MGST1: variants seen among roughly 807,000 people sequenced by gnomAD.
The protein encoded by MGST1 is glutathione S-transferase 12.
MGST1 carries 5 observed loss-of-function variants against 8.9 expected under a neutral mutation model. That is an observed-to-expected ratio of 0.56 (90% CI 0.29 to 1.19). MGST1 has a LOEUF of 1.19. MGST1 is among the 50% of genes most tolerant of loss of function. The pLI is 0.08. For missense variants in MGST1, 182 were observed against 187.4 expected (o/e 0.97, Z 0.17); for synonymous variants, 54 against 67.8 (o/e 0.80, Z 1.00).
At chr12:16,381,207 G>A (rs199596105), downstream of MGST1, among the ~76,000 whole-genome samples, 22 of 152,190 alleles carry the variant, frequency 1.4e-4, no homozygotes, top group East Asian at 3.9e-4. Flanking sequence ...TATTTTGCTC[G>A]TTAGTTGATG....
At chr12:16,446,108 C>T (rs1941077657) in intron 4 of MGST1, among the ~76,000 whole-genome samples, 1 of 152,012 alleles carries the variant, frequency 6.6e-6, no homozygotes, top group South Asian at 2.1e-4. Context: ...GCACCGTTTG[C>T]TTTATACTCC....
At chr12:16,490,694 T>C (rs1316347032) in intron 4 of MGST1, among the ~76,000 whole-genome samples, 3 of 152,134 alleles carry the variant, frequency 2.0e-5, no homozygotes, top group African/African-American at 7.2e-5. Flanking sequence ...CTATCTTCCA[T>C]ATAAAGAAAG....
In MGST1 at chr12:16,560,413, C is replaced by G; in HGVS notation, n.483-29115C>G. On this transcript the variant is annotated intron_variant and non_coding_transcript_variant, in intron 4 of 4. Coordinates refer to the MGST1 transcript ENST00000538857. The surrounding 1 kb of genome is among the most constrained non-coding windows in gnomAD (Gnocchi z 5.0). ...AGAGACCAAAAAGAGACCTGCTTAC[C>G]TCTGATTACAAAGCTGACATGCAAA... 6.2e-7 allele frequency: 1 copy of G among 1,612,948 alleles called. No homozygotes were observed. The highest frequency in any genetic ancestry group is 8.5e-7 in the Non-Finnish European group (1 of 1,179,440).
intron 1 of MGST1, chr12:16,399,908 C>T (rs929694858): frequency 1.6e-6 from 2 of 1,271,604 alleles, no homozygotes; most frequent in Non-Finnish European, 2.3e-6. Context: ...TAAATCAGCT[C>T]TACTTCATCC....
chr12:16,397,812 G>C (rs1940619080), intron 1 of MGST1, among the ~76,000 whole-genome samples: 2 of 146,408 alleles, frequency 1.4e-5, no homozygotes, highest in African/African-American at 5.0e-5. Flanking sequence ...ATATATTTAA[G>C]TGTCAAGTAA....
intron 4 of MGST1, among the ~76,000 whole-genome samples, chr12:16,580,396 C>A (rs1229240106): frequency 2.0e-5 from 3 of 152,258 alleles, no homozygotes; most frequent in East Asian, 1.9e-4. Flanking sequence ...TTTAGAGGAC[C>A]ACTTCTATGG....
chr12:16,585,144 G>A lies in MGST1; in HGVS notation n.483-4384G>A, dbSNP rs564528955. ...GTCATGGCTTCCCCCTTTGGGTGGC[G>A]CATGCAAGCCCCAGTTCACAACGTT... is the stretch of plus-strand genomic sequence containing the variant. On this transcript the variant is annotated intron_variant and non_coding_transcript_variant, in intron 4 of 4. Coordinates refer to the MGST1 transcript ENST00000538857. The surrounding 1 kb of genome is among the most constrained non-coding windows in gnomAD (Gnocchi z 4.7). 9.9e-5 allele frequency among the ~76,000 whole-genome samples: 15 copies of A among 152,246 alleles called. No homozygotes were observed. Among genetic ancestry groups the A allele is most frequent in the South Asian group, 2.1e-4 (1 of 4,828 alleles).
intron 4 of MGST1, among the ~76,000 whole-genome samples, chr12:16,472,442 T>TC (rs1284605401): frequency 3.9e-5 from 6 of 151,962 alleles, no homozygotes; most frequent in African/African-American, 1.2e-4. Context: ...TGTTTTTTTT[T>TC]TTTTTTTTAA....
At chr12:16,444,183 G>T (rs11056943) in intron 4 of MGST1, among the ~76,000 whole-genome samples, 20,455 of 128,536 alleles carry the variant, frequency 0.16, 1,923 homozygotes, top group East Asian at 0.46. Flanking sequence ...GGCTGATTTG[G>T]TTTTTTTTTT....
chr12:16,363,877 A>G lies in MGST1; in HGVS notation c.304A>G (p.Thr102Ala), dbSNP rs756807847. The change falls in exon 4 of 4, where the codon ACA (threonine) becomes GCA (alanine). Residue 102 changes from threonine to alanine, a missense_variant. Physicochemically the swap from Thr to Ala is moderately conservative, Grantham distance 58. Coordinates refer to ENST00000396210, the MANE Select transcript of MGST1 (RefSeq NM_020300.5). This position sits in a 1 kb window ranked among gnomAD's most constrained non-coding sequence, Gnocchi z 4.6. The part of the protein sequence containing the change: ...LYSLSGPDPS[T>A]AILHFRLFVG... ...TTCCTTGAGTGGTCCCGACCCCTCT[A>G]CAGCCATCCTGCACTTCAGACTATT... The G allele has an allele frequency of 1.9e-6, 3 of 1,613,964 alleles. No individual in the cohort carries two copies. Among genetic ancestry groups the G allele is most frequent in the South Asian group, 2.2e-5 (2 of 91,076 alleles).
At chr12:16,518,503 CTT>C (rs1591750225) in intron 4 of MGST1, among the ~76,000 whole-genome samples, 2 of 152,054 alleles carry the variant, frequency 1.3e-5, no homozygotes, top group African/African-American at 4.8e-5. Context: ...TTTGTTCCCT[CTT>C]TTTTAAAAAA....
At chr12:16,525,831 C>A (rs1269896799) in intron 4 of MGST1, among the ~76,000 whole-genome samples, 2 of 151,502 alleles carry the variant, frequency 1.3e-5, no homozygotes, top group Admixed American at 6.6e-5. Context: ...TTAATGATTG[C>A]CATTCTAACT....
At chr12:16,545,281 G>C (rs991580333) in intron 4 of MGST1, among the ~76,000 whole-genome samples, 4 of 152,034 alleles carry the variant, frequency 2.6e-5, no homozygotes, top group Non-Finnish European at 5.9e-5. Context: ...TATTAGGGTT[G>C]TATGTTTAAT....
chr12:16,417,398 C>T (rs1044883010), intron 1 of MGST1, among the ~76,000 whole-genome samples: 2 of 152,070 alleles, frequency 1.3e-5, no homozygotes, highest in African/African-American at 4.8e-5. Context: ...ACATGGAGTA[C>T]AATTTGGATT....
chr12:16,514,415 CA>C, intron 4 of MGST1: 1 of 284,364 alleles, frequency 3.5e-6, no homozygotes, highest in Non-Finnish European at 7.1e-6. Flanking sequence ...AAGTGAAAGG[CA>C]AGGCCCATCG....
intron 1 of MGST1, among the ~76,000 whole-genome samples, chr12:16,430,162 T>A (rs1940925859): frequency 6.6e-6 from 1 of 152,198 alleles, no homozygotes; most frequent in Non-Finnish European, 1.5e-5. Context: ...TATTATGAGG[T>A]TACAGCAGTT....
chr12:16,565,638 T>C (rs1419420017), intron 4 of MGST1, among the ~76,000 whole-genome samples: 1 of 152,162 alleles, frequency 6.6e-6, no homozygotes, highest in Non-Finnish European at 1.5e-5. Context: ...TTTCTAATTG[T>C]TGCAGTTAGG....
At chr12:16,445,101 C>A (rs2137107018) in intron 4 of MGST1, among the ~76,000 whole-genome samples, 1 of 151,656 alleles carries the variant, frequency 6.6e-6, no homozygotes, top group African/African-American at 2.4e-5. Context: ...TGTACAGCAT[C>A]CTGGGCTTGC....
intron 4 of MGST1, among the ~76,000 whole-genome samples, chr12:16,469,483 C>T (rs1941279123): frequency 6.6e-6 from 1 of 152,122 alleles, no homozygotes; most frequent in Non-Finnish European, 1.5e-5. Context: ...GCCACCATGC[C>T]CGGCCATAAT....
Sources: gnomAD v4.1 joint callset for allele counts (sites outside exome capture counted in the v4.1 genomes callset) on GRCh38, gnomAD v4.1.1 for gene constraint, Gnocchi (gnomAD v3.1) non-coding constraint, MANE v1.5 for transcripts, NCBI Gene and HGNC (gene_info 2026-07-23, HGNC 2026-07-21) for gene names.